The following KITLG variants were observed in gnomAD, a reference collection of about 807,000 sequenced individuals.
KITLG encodes the protein c-Kit ligand.
Under a neutral mutation model 34.1 loss-of-function variants are expected in KITLG, and 13 were observed. That is an observed-to-expected ratio of 0.38 (90% CI 0.25 to 0.61). The LOEUF (loss-of-function observed/expected upper bound fraction) is 0.61. Among genes scored for constraint, KITLG ranks in the 20% least tolerant of loss-of-function variants. KITLG has a pLI of 0.60. For missense variants in KITLG, 292 were observed against 318.9 expected, an observed-to-expected ratio of 0.92 and a Z score of 0.64; for synonymous variants, 110 against 104.0, an observed-to-expected ratio of 1.06 and a Z score of -0.35.
chr12:88,529,690 T>C (rs561557354), intron 3 of KITLG, among the ~76,000 whole-genome samples: 1 of 152,328 alleles, frequency 6.6e-6, no homozygotes, highest in East Asian at 1.9e-4. Flanking sequence ...CTCTATTGTT[T>C]AAAGACAAAA....
At chr12:88,524,310 G>T (rs1869787967) in intron 3 of KITLG, among the ~76,000 whole-genome samples, 2 of 152,020 alleles carry the variant, frequency 1.3e-5, no homozygotes, top group Non-Finnish European at 2.9e-5. Context: ...TTAGAGGCTG[G>T]AACTTTTAAG....
At chr12:88,552,363 T>C (rs140521855) in intron 1 of KITLG, among the ~76,000 whole-genome samples, 2 of 150,374 alleles carry the variant, frequency 1.3e-5, no homozygotes, top group African/African-American at 4.9e-5. Context: ...TTTTTTTTTG[T>C]ATTTTTGGTA....
At chr12:88,501,286 T>A (rs937493938) in intron 9 of KITLG, among the ~76,000 whole-genome samples, 3 of 152,186 alleles carry the variant, frequency 2.0e-5, no homozygotes, top group Admixed American at 6.6e-5. Flanking sequence ...TGGTGAAACT[T>A]CCATTTCAGG....
In KITLG at chr12:88,557,291, C is replaced by T. The variant is rs1050763508; in HGVS notation, c.16-11426G>A. Among the ~76,000 whole-genome samples the T allele has an allele frequency of 3.3e-5, 5 of 151,972 alleles. No individual in the cohort carries two copies. In the East Asian group the frequency reaches 9.6e-4, roughly 29 times the overall value. On this transcript the variant is annotated intron_variant, in intron 1 of 9. Transcript: ENST00000644744. ...TGGTACCTCAGGCAAGAATATAGGG[C>T]CTGAGTGTTCAGGTTTTTACTGTTA...
At chr12:88,567,841 A>G (rs1871496873) in intron 1 of KITLG, among the ~76,000 whole-genome samples, 1 of 152,180 alleles carries the variant, frequency 6.6e-6, no homozygotes, top group Non-Finnish European at 1.5e-5. Context: ...ACAAGTGAGA[A>G]AATCAGAATG....
Position 88,525,759 on chromosome 12 carries a change from G to A in KITLG, c.192+6682C>T, listed in dbSNP as rs181936426. Among the ~76,000 whole-genome samples, 14 of 152,194 alleles carry A rather than the reference G, an allele frequency of 9.2e-5. No individual in the cohort carries two copies. In the East Asian group the frequency reaches 2.5e-3, roughly 27 times the overall value. On this transcript the variant is annotated intron_variant, in intron 3 of 9. Transcript: ENST00000644744. ...ACAAGATAATAAACTAAAAGATAGGGTCCACATAGCAGGTGCAATGATAGT... is the reference window on the plus strand; with the variant it reads ...ACAAGATAATAAACTAAAAGATAGGATCCACATAGCAGGTGCAATGATAGT...
At chr12:88,555,778 C>T (rs1871077609) in intron 1 of KITLG, among the ~76,000 whole-genome samples, 1 of 152,302 alleles carries the variant, frequency 6.6e-6, no homozygotes, top group East Asian at 1.9e-4. Context: ...TGCTTTCAGA[C>T]TTCTAGTAAC....
At chr12:88,564,780 A>G (rs552944001) in intron 1 of KITLG, among the ~76,000 whole-genome samples, 1 of 152,030 alleles carries the variant, frequency 6.6e-6, no homozygotes, top group African/African-American at 2.4e-5. Flanking sequence ...CTAAGTTTGT[A>G]TCATTTTAAA....
In KITLG at chr12:88,515,602, A is replaced by G. The variant is rs753566545; in HGVS notation, c.536T>C (p.Val179Ala). Reference protein sequence around the residue: ...LSPEKDSRVSVTKPFMLPPVA... With the variant: ...LSPEKDSRVSATKPFMLPPVA... ...AGGGGGTAACATAAATGGTTTTGTG[A>G]CACTGACTCTGGAATCTAAATAGAA... Residue 179 changes from valine (V) to alanine (A), a missense_variant, in exon 6 of 10, where the codon GTC (valine) becomes GCC (alanine). Coordinates refer to ENST00000644744, the MANE Select transcript of KITLG (RefSeq NM_000899.5). 4 of 1,609,810 alleles carry G rather than the reference A, an allele frequency of 2.5e-6. No individual in the cohort carries two copies. Among genetic ancestry groups the G allele is most frequent in the Admixed American group, 1.7e-5 (1 of 59,836 alleles).
In KITLG at chr12:88,494,525, T is replaced by C. The variant is rs1181640809; in HGVS notation, c.*2694A>G. On this transcript the variant is annotated 3_prime_UTR_variant, in exon 10 of 10. Transcript: ENST00000644744. Reference sequence around the variant, plus strand: ...AGAGAATAGGCTACTTGTTCTATTATTGTATTGAAGAAAAATTAATTTTTC... The same window carrying C: ...AGAGAATAGGCTACTTGTTCTATTACTGTATTGAAGAAAAATTAATTTTTC... 6.6e-6 allele frequency: 1 copy of C among 152,472 alleles called. No individual in the cohort carries two copies. The highest frequency in any genetic ancestry group is 2.4e-5 in the African/African-American group (1 of 41,438). The allele number at this position is 152,472 out of a possible 1,614,324, so 9.4% of individuals were successfully genotyped here.
chr12:88,530,872 G>T (rs1592848954), intron 3 of KITLG, among the ~76,000 whole-genome samples: 1 of 152,170 alleles, frequency 6.6e-6, no homozygotes, highest in Non-Finnish European at 1.5e-5. Context: ...TGTAGTCTTT[G>T]AAATGCATTT....
chr12:88,554,324 A>G (rs974270233), intron 1 of KITLG, among the ~76,000 whole-genome samples: 11 of 152,248 alleles, frequency 7.2e-5, no homozygotes, highest in African/African-American at 2.2e-4. Flanking sequence ...AGTGATTTTA[A>G]AATATGCATT....
intron 1 of KITLG, 106 bp downstream of exon 1, chr12:88,580,158 G>C (rs1340782553): frequency 2.1e-5 from 25 of 1,210,648 alleles, no homozygotes; most frequent in Non-Finnish European, 8.4e-6. Context: ...GGCAGGCACA[G>C]CCCTGCACGC....
rs752845091 is a variant in KITLG, at chr12:88,506,291, C to G, written c.782+20G>C. The G allele has an allele frequency of 1.3e-6, 2 of 1,541,760 alleles. No homozygotes were observed. Among genetic ancestry groups the G allele is most frequent in the East Asian group, 4.5e-5 (2 of 44,454 alleles). On this transcript the variant is annotated intron_variant, in intron 8 of 9. Transcript: ENST00000644744. ...GCAATGTCATGCTTGATTGGGCACA[C>G]ATTTAGCAAAACAAAATACCTTATC...
At chr12:88,526,863 C>CTTTT (rs10532642) in intron 3 of KITLG, among the ~76,000 whole-genome samples, 1 of 79,976 alleles carries the variant, frequency 1.3e-5, no homozygotes, top group African/African-American at 4.1e-5. Context: ...TCAGTATAGT[C>CTTTT]TTTTTTTTTT....
chr12:88,498,065 C>A (rs1259350654), intron 9 of KITLG, among the ~76,000 whole-genome samples: 2 of 152,122 alleles, frequency 1.3e-5, no homozygotes, highest in African/African-American at 4.8e-5. Context: ...GATGTTTCAA[C>A]TTTCCAGTAA....
At chr12:88,553,526 T>C (rs1870994754) in intron 1 of KITLG, among the ~76,000 whole-genome samples, 1 of 152,230 alleles carries the variant, frequency 6.6e-6, no homozygotes, top group Non-Finnish European at 1.5e-5. Flanking sequence ...CTTTTCTCTC[T>C]AGGTCAAGCT....
chr12:88,577,283 C>T (rs1871859140), intron 1 of KITLG, among the ~76,000 whole-genome samples: 1 of 152,090 alleles, frequency 6.6e-6, no homozygotes, highest in Non-Finnish European at 1.5e-5. Flanking sequence ...TGCTTATTCT[C>T]TGAGAGTTAG....
chr12:88,531,927 G>T (rs1870108701), intron 3 of KITLG, among the ~76,000 whole-genome samples: 1 of 152,038 alleles, frequency 6.6e-6, no homozygotes, highest in Non-Finnish European at 1.5e-5. Flanking sequence ...ATTATATTCA[G>T]TATTAGAATT....
Sources: allele counts gnomAD v4.1 joint callset (sites outside exome capture counted in the v4.1 genomes callset), GRCh38; gene constraint gnomAD v4.1.1; transcripts MANE v1.5; gene names NCBI Gene and HGNC (gene_info 2026-07-23, HGNC 2026-07-21).